Variants in CNTN5 observed in about 807,000 individuals in gnomAD.
The protein encoded by CNTN5 is contactin 5, also known as contactin-5.
A neutral mutation model predicts 129.1 loss-of-function variants in CNTN5; 77 were observed. The observed-to-expected ratio is 0.60, with a 90% CI of 0.50 to 0.72. The LOEUF (loss-of-function observed/expected upper bound fraction) is 0.72, where lower values mean the gene tolerates loss of function less well. Ranked by LOEUF, CNTN5 falls within the 30% of genes least tolerant of loss-of-function variation. CNTN5 has a pLI of 0.00. For synonymous variants in CNTN5, 509 were observed against 465.6 expected (o/e 1.09, Z -1.20); for missense variants, 1,478 against 1,328.8 (o/e 1.11, Z -1.75).
At chr11:100,320,994 A>G (rs1434614648) in intron 21 of CNTN5, among the ~76,000 whole-genome samples, 2 of 151,686 alleles carry the variant, frequency 1.3e-5, no homozygotes, top group African/African-American at 4.8e-5. Flanking sequence ...GTAGTTTGAT[A>G]CCTCCAATTT....
chr11:100,351,404 A>C (rs183802364), intron 24 of CNTN5, among the ~76,000 whole-genome samples: 19 of 151,582 alleles, frequency 1.3e-4, no homozygotes, highest in Non-Finnish European at 2.4e-4. Flanking sequence ...AGTGCTTTAC[A>C]TACATCATCT....
At chr11:99,550,368 A>AT (rs1013053204) in intron 2 of CNTN5, among the ~76,000 whole-genome samples, 6 of 151,916 alleles carry the variant, frequency 3.9e-5, no homozygotes, top group Admixed American at 1.3e-4. Flanking sequence ...TTTGTTATCT[A>AT]TTTTTTTTCC....
chr11:99,856,201 G>C (rs962336576), intron 6 of CNTN5, among the ~76,000 whole-genome samples: 8 of 152,068 alleles, frequency 5.3e-5, no homozygotes, highest in Middle Eastern at 3.2e-3. Context: ...CAGTATTTTG[G>C]GCAATTTCTA....
intron 7 of CNTN5, among the ~76,000 whole-genome samples, chr11:99,948,725 T>A (rs1300616055): frequency 6.6e-6 from 1 of 152,214 alleles, no homozygotes; most frequent in African/African-American, 2.4e-5. Context: ...TGAATTAATA[T>A]ACATAGAGCA....
rs1056006216 is a variant in CNTN5 at position 99,581,189 on chromosome 11, C to A, written c.55+24920C>A. ...AGTTCTACTTTGATTGCACTGTGGT[C>A]TGAGAGACAGTTTGTTATAATTTCT... On this transcript the variant is annotated intron_variant, in intron 3 of 24. Transcript: ENST00000524871. Among the ~76,000 whole-genome samples, 165 of 109,238 alleles carry A rather than the reference C, an allele frequency of 1.5e-3. 4 individuals are homozygous for A. The highest frequency in any genetic ancestry group is 5.3e-3 in the African/African-American group (144 of 27,186). 71.7% of individuals were successfully genotyped at this position (109,238 alleles called of 152,430 possible).
At chr11:99,258,778 T>A (rs1862497034) in intron 1 of CNTN5, among the ~76,000 whole-genome samples, 1 of 151,988 alleles carries the variant, frequency 6.6e-6, no homozygotes, top group Non-Finnish European at 1.5e-5. Flanking sequence ...GGGTTGAATG[T>A]AAATTTCACT....
At chr11:99,649,310 C>G (rs584310) in intron 3 of CNTN5, among the ~76,000 whole-genome samples, 1 of 151,372 alleles carries the variant, frequency 6.6e-6, no homozygotes, top group Non-Finnish European at 1.5e-5. Context: ...ATTTATTCAA[C>G]CATTTAGTTT....
At position 100,277,464 on chromosome 11, in the gene CNTN5, C is replaced by T. The variant is rs538518852; in HGVS notation, c.2314+6223C>T. Among the ~76,000 whole-genome samples the T allele has an allele frequency of 2.0e-5, 3 of 152,226 alleles. No individual in the cohort carries two copies. In the East Asian group the frequency reaches 5.8e-4, roughly 29 times the overall value. On this transcript the variant is annotated intron_variant, in intron 18 of 24. Coordinates refer to ENST00000524871, the MANE Select transcript of CNTN5 (RefSeq NM_014361.4). ...ACAGTGTATGAGTGTTTCCTTTTCT[C>T]TAGATCCTCACTAGCATTTGTTATT...
chr11:99,995,226 C>T (rs1277529368), intron 8 of CNTN5, among the ~76,000 whole-genome samples: 1 of 151,760 alleles, frequency 6.6e-6, no homozygotes, highest in African/African-American at 2.4e-5. Flanking sequence ...TCTGATCTGT[C>T]AGAGATGGTA....
intron 13 of CNTN5, among the ~76,000 whole-genome samples, chr11:100,084,485 GT>G (rs1944474746): frequency 6.6e-6 from 1 of 152,072 alleles, no homozygotes; most frequent in South Asian, 2.1e-4. Flanking sequence ...AAATCACGAT[GT>G]AATTTAACTT....
At chr11:99,358,678 A>T (rs1938886530) in intron 2 of CNTN5, among the ~76,000 whole-genome samples, 1 of 152,202 alleles carries the variant, frequency 6.6e-6, no homozygotes, top group Non-Finnish European at 1.5e-5. Context: ...GGCAAATATT[A>T]TTTCAAAATT....
At chr11:99,280,031 A>C (rs761869007) in intron 1 of CNTN5, among the ~76,000 whole-genome samples, 40 of 151,736 alleles carry the variant, frequency 2.6e-4, no homozygotes, top group Non-Finnish European at 5.7e-4. Flanking sequence ...TTTTAAAGGT[A>C]ATATAGTTTT....
intron 1 of CNTN5, among the ~76,000 whole-genome samples, chr11:99,184,570 C>T (rs1858244461): frequency 6.6e-6 from 1 of 152,036 alleles, no homozygotes; most frequent in Non-Finnish European, 1.5e-5. Flanking sequence ...TGCCCTCTAG[C>T]TTATTATCTA....
At chr11:99,624,052 G>A (rs1267091821) in intron 3 of CNTN5, among the ~76,000 whole-genome samples, 4 of 152,078 alleles carry the variant, frequency 2.6e-5, no homozygotes, top group Non-Finnish European at 5.9e-5. Context: ...AAGTTAACAG[G>A]GAAATTTGAT....
intron 13 of CNTN5, among the ~76,000 whole-genome samples, chr11:100,099,659 G>GT (rs1310244516): frequency 6.6e-6 from 1 of 150,940 alleles, no homozygotes; most frequent in Non-Finnish European, 1.5e-5. Flanking sequence ...TTCTAGAATG[G>GT]TTTTTGCTTT....
At chr11:100,309,124 G>T in intron 21 of CNTN5, 1 of 984,980 alleles carries the variant, frequency 1.0e-6, no homozygotes, top group Non-Finnish European at 1.2e-6. Flanking sequence ...TTCTTGCCTT[G>T]CTTGGCCAGT....
At chr11:99,478,917 T>C (rs1945483585) in intron 2 of CNTN5, among the ~76,000 whole-genome samples, 1 of 152,178 alleles carries the variant, frequency 6.6e-6, no homozygotes, top group Non-Finnish European at 1.5e-5. Context: ...GAAAATATTT[T>C]GTAGCTAATG....
intron 1 of CNTN5, among the ~76,000 whole-genome samples, chr11:99,190,649 A>G (rs1413427057): frequency 3.3e-5 from 5 of 151,378 alleles, no homozygotes; most frequent in Admixed American, 1.3e-4. Context: ...TTTGGTTAGT[A>G]TTGTAAATGG....
At chr11:99,876,872 T>C (rs1267065986) in intron 6 of CNTN5, among the ~76,000 whole-genome samples, 1 of 152,224 alleles carries the variant, frequency 6.6e-6, no homozygotes, top group Non-Finnish European at 1.5e-5. Context: ...TACTAAATGA[T>C]AAATTTCATT....
Sources: allele counts gnomAD v4.1 joint callset (sites outside exome capture counted in the v4.1 genomes callset), GRCh38; gene constraint gnomAD v4.1.1; transcripts MANE v1.5; gene names NCBI Gene and HGNC (gene_info 2026-07-23, HGNC 2026-07-21).